Variants in MAGI2 observed in about 807,000 individuals in gnomAD.
MAGI2 encodes membrane-associated guanylate kinase, WW and PDZ domain-containing protein 2.
Under a neutral mutation model 133.3 loss-of-function variants are expected in MAGI2, and 35 were observed. The ratio of observed to expected loss-of-function variants is 0.26; its 90% CI spans 0.20 to 0.35. MAGI2 has a LOEUF of 0.35. Ranked by LOEUF, MAGI2 falls within the 10% of genes least tolerant of loss-of-function variation. MAGI2 has a pLI of 1.00. For missense variants in MAGI2, 1,636 were observed against 1,863.4 expected (o/e 0.88, Z 2.25); for synonymous variants, 729 against 710.6 (o/e 1.03, Z -0.41).
At chr7:79,215,171 C>T (rs943434018) in intron 1 of MAGI2, among the ~76,000 whole-genome samples, 3 of 151,050 alleles carry the variant, frequency 2.0e-5, no homozygotes, top group Admixed American at 6.6e-5. Flanking sequence ...AACTGACCAG[C>T]GTTAACATTA....
At chr7:78,631,490 A>C (rs1808995770) in intron 2 of MAGI2, among the ~76,000 whole-genome samples, 1 of 152,114 alleles carries the variant, frequency 6.6e-6, no homozygotes, top group African/African-American at 2.4e-5. Flanking sequence ...TTTCCTCTCT[A>C]AAGGCTTACC....
At chr7:78,586,188 A>G (rs994778793) in intron 3 of MAGI2, among the ~76,000 whole-genome samples, 2 of 152,242 alleles carry the variant, frequency 1.3e-5, no homozygotes, top group Non-Finnish European at 2.9e-5. Flanking sequence ...ACACTTGCAC[A>G]TCTTCAGCAT....
At chr7:79,390,981 G>C (rs2129150572) in intron 1 of MAGI2, among the ~76,000 whole-genome samples, 1 of 152,120 alleles carries the variant, frequency 6.6e-6, no homozygotes, top group East Asian at 1.9e-4. Context: ...TCCTAAATCT[G>C]TCAAATATCT....
intron 1 of MAGI2, among the ~76,000 whole-genome samples, chr7:79,382,168 T>C (rs930274926): frequency 6.6e-6 from 1 of 151,670 alleles, no homozygotes; most frequent in Non-Finnish European, 1.5e-5. Context: ...CCATAAGTTA[T>C]TTATCTAGAC....
intron 6 of MAGI2, among the ~76,000 whole-genome samples, chr7:78,414,072 C>T (rs1798085950): frequency 6.6e-6 from 1 of 151,884 alleles, no homozygotes; most frequent in Non-Finnish European, 1.5e-5. Context: ...ACCAGAGGTG[C>T]AAATTTGAGC....
intron 16 of MAGI2, chr7:78,159,785 T>A (rs1824785067): frequency 2.8e-6 from 1 of 354,264 alleles, no homozygotes; most frequent in South Asian, 1.2e-4. Context: ...AATGAAGAGC[T>A]TTTATAGGGG....
At position 79,346,420 on chromosome 7, in the gene MAGI2, G is replaced by T. The variant is rs576733379; in HGVS notation, c.301+106600C>A. Among the ~76,000 whole-genome samples the T allele has an allele frequency of 5.9e-5, 9 of 152,038 alleles. No homozygotes were observed. The South Asian group carries it at 8.3e-4, about 14-fold the overall frequency. On this transcript the variant is annotated intron_variant, in intron 1 of 21. Coordinates refer to ENST00000354212, the MANE Select transcript of MAGI2 (RefSeq NM_012301.4). ...GTTTTTCCCTTCTTGTTTTCAACATGTGGTGGGATAAATTTCCCTAAACAG... is the reference window on the plus strand; with the variant it reads ...GTTTTTCCCTTCTTGTTTTCAACATTTGGTGGGATAAATTTCCCTAAACAG...
intron 2 of MAGI2, among the ~76,000 whole-genome samples, chr7:78,680,702 T>TA (rs1277925902): frequency 6.6e-6 from 1 of 152,174 alleles, no homozygotes; most frequent in Non-Finnish European, 1.5e-5. Flanking sequence ...ACAACATTCA[T>TA]AATCAAATCA....
intron 9 of MAGI2, among the ~76,000 whole-genome samples, chr7:78,324,434 C>A (rs1788371260): frequency 6.6e-6 from 1 of 152,124 alleles, no homozygotes; most frequent in Non-Finnish European, 1.5e-5. Flanking sequence ...GTTTGGATCC[C>A]AGGCTTATTG....
At chr7:78,321,469 A>G (rs2151122368) in intron 9 of MAGI2, among the ~76,000 whole-genome samples, 1 of 152,272 alleles carries the variant, frequency 6.6e-6, no homozygotes, top group African/African-American at 2.4e-5. Context: ...AACACCACAT[A>G]TCTACAACCA....
chr7:78,979,794 A>G lies in MAGI2; in HGVS notation c.418+27296T>C, dbSNP rs866955218. On this transcript the variant is annotated intron_variant, in intron 2 of 21. Coordinates refer to ENST00000354212, the MANE Select transcript of MAGI2 (RefSeq NM_012301.4). ...GTTGAATAGGTGGTAATTCACATAG[A>G]ACACACTAACGGAAAATGTTAAAAA... Among the ~76,000 whole-genome samples, 13 of 152,006 alleles carry G rather than the reference A, an allele frequency of 8.6e-5. 1 individual carries two copies. In the South Asian group the frequency reaches 2.7e-3, roughly 32 times the overall value.
At chr7:78,834,878 C>T (rs895413650) in intron 2 of MAGI2, among the ~76,000 whole-genome samples, 3 of 152,106 alleles carry the variant, frequency 2.0e-5, no homozygotes, top group Non-Finnish European at 4.4e-5. Flanking sequence ...CCTCCCCTCC[C>T]CTTGCTCCTG....
chr7:78,438,803 A>G (rs764015941), intron 6 of MAGI2, among the ~76,000 whole-genome samples: 1 of 152,230 alleles, frequency 6.6e-6, no homozygotes, highest in South Asian at 2.1e-4. Flanking sequence ...CCATCTTTTC[A>G]TGGGCGCACA....
At chr7:78,050,575 T>C (rs764670499) in intron 21 of MAGI2, among the ~76,000 whole-genome samples, 2 of 152,180 alleles carry the variant, frequency 1.3e-5, no homozygotes, top group East Asian at 1.9e-4. Context: ...GCTGAGAATA[T>C]TGTATGATTA....
rs1018396893 is a variant in MAGI2, at chr7:79,162,288, A to G, written c.302-155082T>C. 3.9e-5 allele frequency among the ~76,000 whole-genome samples: 6 copies of G among 152,100 alleles called. No individual in the cohort carries two copies. The South Asian group carries it at 1.2e-3, about 32-fold the overall frequency. On this transcript the variant is annotated intron_variant, in intron 1 of 21. Transcript: ENST00000354212. ...AAATTACTCTTAAAATTGTCAAACT[A>G]TACTTCCAAGGAAACCAAAATCATG...
Position 78,019,705 on chromosome 7 carries a change from C to A in MAGI2, c.3978G>T (p.Pro1326=), listed in dbSNP as rs1195192107. Residue 1326 remains proline (P), a synonymous_variant, in exon 22 of 22, where the codon CCG becomes CCT. Transcript: ENST00000354212. ...GGCCGCCGGGCGCCTCCTCGAGCCT[C>A]GGCCGCGCGGCCCTCTGCGGACTCG... ...RSASPQRAAR[P]RLEEAPGGQG... 4 of 1,575,200 alleles carry A rather than the reference C, an allele frequency of 2.5e-6. No homozygotes were observed. In the South Asian group the frequency reaches 4.6e-5, roughly 18 times the overall value.
At chr7:78,833,386 C>T (rs1450542227) in intron 2 of MAGI2, among the ~76,000 whole-genome samples, 5 of 152,262 alleles carry the variant, frequency 3.3e-5, no homozygotes, top group East Asian at 1.9e-4. Flanking sequence ...ATATCCAGTG[C>T]ATTGGAGGCA....
intron 2 of MAGI2, among the ~76,000 whole-genome samples, chr7:78,989,719 G>A (rs1309678558): frequency 6.6e-6 from 1 of 151,884 alleles, no homozygotes; most frequent in African/African-American, 2.4e-5. Context: ...TATACATAGG[G>A]TGAAGAAGTG....
chr7:79,201,986 A>G (rs893571009), intron 1 of MAGI2, among the ~76,000 whole-genome samples: 1 of 151,954 alleles, frequency 6.6e-6, no homozygotes, highest in African/African-American at 2.4e-5. Flanking sequence ...TATCAATTTC[A>G]TGATTAAAGA....
Sources: gnomAD v4.1 joint callset for allele counts (sites outside exome capture counted in the v4.1 genomes callset) on GRCh38, gnomAD v4.1.1 for gene constraint, MANE v1.5 for transcripts, NCBI Gene and HGNC (gene_info 2026-07-23, HGNC 2026-07-21) for gene names.